The following RPS6KC1 variants were observed in gnomAD, a reference collection of about 807,000 sequenced individuals.
RPS6KC1 encodes the protein inactive ribosomal protein S6 kinase delta-1.
In RPS6KC1, 54 loss-of-function variants were observed where a neutral mutation model predicts 103.8. The ratio of observed to expected loss-of-function variants is 0.52; its 90% confidence interval spans 0.42 to 0.65. RPS6KC1 has a LOEUF of 0.65. Among genes scored for constraint, RPS6KC1 ranks in the 30% least tolerant of loss-of-function variants. The probability of loss-of-function intolerance (pLI) is 0.00; values close to 1 mark genes in which losing one functional copy is unlikely to be tolerated. For synonymous variants in RPS6KC1, 439 were observed against 438.7 expected, an observed-to-expected ratio of 1.00 and a Z score of -0.01; for missense variants, 1,151 against 1,253.8, an observed-to-expected ratio of 0.92 and a Z score of 1.24.
chr1:213,555,177 A>C, the RPS6KC1 span, among the ~76,000 whole-genome samples: 1 of 152,324 alleles, frequency 6.6e-6, no homozygotes, highest in South Asian at 2.1e-4. Context: ...TGCTAAGATC[A>C]TCCAAAAGGC....
chr1:213,449,693 C>G, the RPS6KC1 span, among the ~76,000 whole-genome samples: 2,563 of 152,326 alleles, frequency 0.017, 92 homozygotes, highest in African/African-American at 0.058. Flanking sequence ...TATTGCTCCA[C>G]TTTCTCTGCA....
chr1:213,078,685 A>T (rs1319561816), intron 3 of RPS6KC1, among the ~76,000 whole-genome samples: 1 of 152,240 alleles, frequency 6.6e-6, no homozygotes, highest in Non-Finnish European at 1.5e-5. Context: ...TACAGGCATG[A>T]GCCACTGTGC....
chr1:213,576,281 T>G, the RPS6KC1 span, among the ~76,000 whole-genome samples: 1 of 151,886 alleles, frequency 6.6e-6, no homozygotes, highest in South Asian at 2.1e-4. Flanking sequence ...ACTTACCTAG[T>G]GCTTACATTG....
the RPS6KC1 span, among the ~76,000 whole-genome samples, chr1:213,443,761 T>TA: frequency 2.0e-5 from 3 of 151,902 alleles, no homozygotes; most frequent in Non-Finnish European, 2.9e-5. Context: ...ACTAAAAATA[T>TA]AAAAAAATTA....
the RPS6KC1 span, among the ~76,000 whole-genome samples, chr1:213,333,544 C>T: frequency 6.6e-6 from 1 of 152,198 alleles, no homozygotes; most frequent in Non-Finnish European, 1.5e-5. Context: ...TTTCGTGCTT[C>T]AGGTATGGTG....
At chr1:213,157,815 C>T (rs1046121557) in intron 6 of RPS6KC1, among the ~76,000 whole-genome samples, 1 of 152,116 alleles carries the variant, frequency 6.6e-6, no homozygotes, top group African/African-American at 2.4e-5. Context: ...TTCCTTATTT[C>T]TGTCATTTTT....
chr1:213,762,864 G>GT, the RPS6KC1 span, among the ~76,000 whole-genome samples: 12,943 of 140,614 alleles, frequency 0.092, 656 homozygotes, highest in African/African-American at 0.14. Flanking sequence ...ATTTTTTTAC[G>GT]TTTTTTTTTT....
chr1:213,288,612 T>G, the RPS6KC1 span, among the ~76,000 whole-genome samples: 1 of 152,220 alleles, frequency 6.6e-6, no homozygotes, highest in Non-Finnish European at 1.5e-5. Flanking sequence ...TAAAGTAAAC[T>G]TCGATTTGGC....
At chr1:213,565,257 C>T in the RPS6KC1 span, among the ~76,000 whole-genome samples, 1 of 152,338 alleles carries the variant, frequency 6.6e-6, no homozygotes, top group South Asian at 2.1e-4. Context: ...AGCAATTCTA[C>T]TCTCAGGTAT....
the RPS6KC1 span, among the ~76,000 whole-genome samples, chr1:213,422,840 T>C: frequency 1.3e-5 from 2 of 152,252 alleles, no homozygotes; most frequent in African/African-American, 4.8e-5. Flanking sequence ...ATCTGCCTAA[T>C]GCTTCCCTCA....
the RPS6KC1 span, among the ~76,000 whole-genome samples, chr1:213,356,215 G>T: frequency 2.6e-5 from 4 of 152,196 alleles, no homozygotes; most frequent in South Asian, 4.1e-4. Flanking sequence ...AGGTTTTCTA[G>T]GAAGAGTAAT....
the RPS6KC1 span, among the ~76,000 whole-genome samples, chr1:213,486,001 G>C: frequency 8.5e-5 from 13 of 152,162 alleles, no homozygotes; most frequent in African/African-American, 3.1e-4. Flanking sequence ...TGAGGCCCTT[G>C]CTGCTGTTTC....
the RPS6KC1 span, among the ~76,000 whole-genome samples, chr1:213,490,282 C>T: frequency 1.3e-5 from 2 of 152,280 alleles, no homozygotes; most frequent in East Asian, 1.9e-4. Flanking sequence ...CTTTCCCCTA[C>T]GGACGTTGAA....
chr1:213,117,697 A>T (rs766559357), intron 5 of RPS6KC1, among the ~76,000 whole-genome samples: 1 of 151,676 alleles, frequency 6.6e-6, no homozygotes, highest in Non-Finnish European at 1.5e-5. Context: ...TGGTATAATG[A>T]GTAGTTCAGA....
At chr1:213,495,711 A>T in the RPS6KC1 span, among the ~76,000 whole-genome samples, 1 of 152,204 alleles carries the variant, frequency 6.6e-6, no homozygotes, top group East Asian at 1.9e-4. Context: ...GAACTCAAGG[A>T]GTATGGCATT....
At chr1:213,155,946 A>T (rs572597331) in intron 6 of RPS6KC1, among the ~76,000 whole-genome samples, 2 of 152,284 alleles carry the variant, frequency 1.3e-5, no homozygotes, top group East Asian at 3.9e-4. Flanking sequence ...AAAAATATTG[A>T]TAGTAGTTAG....
chr1:213,707,409 G>A, the RPS6KC1 span, among the ~76,000 whole-genome samples: 1 of 150,578 alleles, frequency 6.6e-6, no homozygotes. Context: ...TTTTTTTCTT[G>A]TAAATTTATT....
chr1:213,743,330 A>G, the RPS6KC1 span, among the ~76,000 whole-genome samples: 14 of 152,190 alleles, frequency 9.2e-5, no homozygotes, highest in African/African-American at 3.1e-4. Flanking sequence ...AAGGAGCTGA[A>G]CATTGAACAA....
chr1:213,219,346 A>G (rs2093761194), intron 8 of RPS6KC1, among the ~76,000 whole-genome samples: 1 of 152,226 alleles, frequency 6.6e-6, no homozygotes, highest in African/African-American at 2.4e-5. Context: ...GATCATTAAA[A>G]AGTCAGGAAA....
Sources: allele counts gnomAD v4.1 joint callset (sites outside exome capture counted in the v4.1 genomes callset), GRCh38; gene constraint gnomAD v4.1.1; transcripts MANE v1.5; gene names NCBI Gene and HGNC (gene_info 2026-07-23, HGNC 2026-07-21).